The following OVCH1 variants were observed in gnomAD, a reference collection of about 807,000 sequenced individuals.
OVCH1 encodes ovochymase 1.
In OVCH1, 139 loss-of-function variants were observed where a neutral mutation model predicts 138.4. That is an observed-to-expected ratio of 1.00 (90% CI 0.87 to 1.16). The LOEUF (loss-of-function observed/expected upper bound fraction) is 1.16, where lower values mean the gene tolerates loss of function less well. Among genes scored for constraint, OVCH1 ranks in the 50% most tolerant of loss-of-function variants. The pLI is 0.00. For missense variants in OVCH1, 1,367 were observed against 1,357.9 expected (o/e 1.01, Z -0.11); for synonymous variants, 453 against 467.8 (o/e 0.97, Z 0.41).
At chr12:29,407,654 C>G (rs1940901393), downstream of OVCH1, among the ~76,000 whole-genome samples, 1 of 152,054 alleles carries the variant, frequency 6.6e-6, no homozygotes, top group Admixed American at 6.5e-5. Context: ...CTGTTCTGTT[C>G]CATTGGTCTC....
intron 25 of OVCH1, among the ~76,000 whole-genome samples, chr12:29,441,065 A>G (rs571167565): frequency 1.8e-4 from 27 of 152,252 alleles, no homozygotes; most frequent in Admixed American, 2.6e-4. Flanking sequence ...TCTTAGAAAG[A>G]TTTGAGATAA....
chr12:29,483,648 T>C (rs1943004569), intron 8 of OVCH1, among the ~76,000 whole-genome samples: 1 of 152,106 alleles, frequency 6.6e-6, no homozygotes, highest in South Asian at 2.1e-4. Flanking sequence ...TGTTGTCCAG[T>C]CACAGTGGGA....
chr12:29,492,432 T>C (rs960935789), intron 4 of OVCH1, among the ~76,000 whole-genome samples: 5 of 152,068 alleles, frequency 3.3e-5, no homozygotes, highest in African/African-American at 1.2e-4. Flanking sequence ...TGGAGAACCA[T>C]TGAAGTGGTT....
intron 12 of OVCH1, among the ~76,000 whole-genome samples, chr12:29,476,755 G>GCGCGCGCGCACA (rs1264497944): frequency 8.7e-5 from 9 of 103,342 alleles, no homozygotes; most frequent in African/African-American, 3.5e-4. Context: ...ACACACGCGC[G>GCGCGCGCGCACA]CACACACACA....
intron 3 of OVCH1, among the ~76,000 whole-genome samples, chr12:29,414,926 A>AACTT (rs1941012753): frequency 6.6e-6 from 1 of 152,308 alleles, no homozygotes; most frequent in Admixed American, 6.5e-5. Context: ...AATAAAATAA[A>AACTT]ACTTACAATA....
intron 4 of OVCH1, among the ~76,000 whole-genome samples, chr12:29,492,864 A>G (rs1943308419): frequency 6.6e-6 from 1 of 152,178 alleles, no homozygotes; most frequent in Non-Finnish European, 1.5e-5. Flanking sequence ...AAAGGGTACA[A>G]TAGGGTAGGA....
intron 14 of OVCH1, among the ~76,000 whole-genome samples, chr12:29,474,074 TAC>T (rs146655743): frequency 0.037 from 5,423 of 145,156 alleles, 126 homozygotes; most frequent in African/African-American, 0.069. Flanking sequence ...CACACACACA[TAC>T]ACACACACAC....
chr12:29,438,596 G>A (rs893932468), intron 26 of OVCH1, among the ~76,000 whole-genome samples: 5 of 152,096 alleles, frequency 3.3e-5, no homozygotes, highest in Non-Finnish European at 7.4e-5. Context: ...TTGTGTGTTT[G>A]TATGTATTTG....
At chr12:29,478,133 C>G (rs1435099659) in intron 9 of OVCH1, among the ~76,000 whole-genome samples, 1 of 152,132 alleles carries the variant, frequency 6.6e-6, no homozygotes, top group Non-Finnish European at 1.5e-5. Context: ...TCATGGTTAA[C>G]ACAGAGTATT....
intron 14 of OVCH1, among the ~76,000 whole-genome samples, chr12:29,474,725 C>A (rs1361016226): frequency 6.6e-6 from 1 of 152,144 alleles, no homozygotes; most frequent in African/African-American, 2.4e-5. Flanking sequence ...TCTTCAAAGC[C>A]CCCTAACTTG....
chr12:29,444,386 G>A (rs1190013582), intron 23 of OVCH1, 106 bp from the exon 24 acceptor site: 2 of 1,193,922 alleles, frequency 1.7e-6, no homozygotes, highest in South Asian at 1.6e-5. Context: ...TAATTGTCCT[G>A]GGAAAACAAG....
At chr12:29,422,825 C>A (rs1023586716), downstream of OVCH1, among the ~76,000 whole-genome samples, 2 of 152,140 alleles carry the variant, frequency 1.3e-5, no homozygotes, top group Admixed American at 6.5e-5. Context: ...CATGGAAATA[C>A]AATGAACTCT....
At chr12:29,496,104 G>T (rs1317135833) in intron 3 of OVCH1, 77 bp downstream of exon 3, 4 of 1,310,366 alleles carry the variant, frequency 3.1e-6, no homozygotes, top group Non-Finnish European at 4.3e-6. Flanking sequence ...GAATGAACCT[G>T]CTATTTAGAG....
intron 26 of OVCH1, among the ~76,000 whole-genome samples, chr12:29,436,891 CA>C (rs1941372255): frequency 2.6e-5 from 4 of 152,166 alleles, no homozygotes; most frequent in Admixed American, 2.6e-4. Flanking sequence ...AGCGAAAGAA[CA>C]AAGCTTCCAC....
chr12:29,439,649 C>G (rs1480443012), intron 25 of OVCH1, among the ~76,000 whole-genome samples: 1 of 152,158 alleles, frequency 6.6e-6, no homozygotes, highest in African/African-American at 2.4e-5. Flanking sequence ...CTGACATTAT[C>G]TACCTTGGGT....
At chr12:29,492,788 T>C (rs969567101) in intron 4 of OVCH1, among the ~76,000 whole-genome samples, 1 of 152,212 alleles carries the variant, frequency 6.6e-6, no homozygotes, top group African/African-American at 2.4e-5. Flanking sequence ...TGTCCAGGGC[T>C]GAGCCTGGGG....
intron 14 of OVCH1, among the ~76,000 whole-genome samples, chr12:29,474,074 T>TACACACACACACAC (rs146655743): frequency 0.017 from 2,498 of 145,106 alleles, 40 homozygotes; most frequent in Non-Finnish European, 0.023. Context: ...CACACACACA[T>TACACACACACACAC]ACACACACAC....
At chr12:29,453,448 C>CT (rs1941855029) in intron 21 of OVCH1, among the ~76,000 whole-genome samples, 1 of 152,102 alleles carries the variant, frequency 6.6e-6, no homozygotes, top group African/African-American at 2.4e-5. Context: ...TGTATTCCAC[C>CT]TGACCTCAGC....
chr12:29,461,913 T>C lies in OVCH1; in HGVS notation c.2221A>G (p.Ile741Val), dbSNP rs774668722. The change falls in exon 19 of 28, where the codon ATC becomes GTC. Residue 741 changes from isoleucine (I) to valine (V), a missense_variant. By Grantham distance (29) the Ile-to-Val change is conservative. Transcript: ENST00000318184. The stretch of plus-strand genomic sequence containing the variant: ...CCAGCACAGATCATCTTCTCTGTGA[T>C]CCCTCCTGGATGGGCAGAATAGTAA... 5.0e-6 allele frequency: 8 copies of C among 1,613,794 alleles called. No individual in the cohort carries two copies. In the Admixed American group the frequency reaches 1.2e-4, roughly 24 times the overall value.
Sources: allele counts gnomAD v4.1 joint callset (sites outside exome capture counted in the v4.1 genomes callset), GRCh38; gene constraint gnomAD v4.1.1; transcripts MANE v1.5; gene names NCBI Gene and HGNC (gene_info 2026-07-23, HGNC 2026-07-21).